The following ADGRF5 variants were observed in gnomAD, a reference collection of about 807,000 sequenced individuals.
ADGRF5 encodes the protein G-protein coupled receptor 116.
Under a neutral mutation model 132.3 loss-of-function variants are expected in ADGRF5, and 75 were observed. That is an observed-to-expected ratio of 0.57 (90% CI 0.47 to 0.69). The LOEUF (loss-of-function observed/expected upper bound fraction) is 0.69, where lower values mean the gene tolerates loss of function less well. ADGRF5 is among the 30% of genes least tolerant of loss of function. ADGRF5 has a pLI of 0.00. For synonymous variants in ADGRF5, 629 were observed against 597.6 expected (o/e 1.05, Z -0.77); for missense variants, 1,516 against 1,630.6 (o/e 0.93, Z 1.21).
In ADGRF5 at chr6:46,867,096, T is replaced by C; in HGVS notation, c.1663A>G (p.Ile555Val). The change falls in exon 13 of 21, where the codon ATT becomes GTT. Residue 555 changes from isoleucine (I) to valine (V), a missense_variant. By Grantham distance (29) the Ile-to-Val change is conservative. Coordinates refer to ENST00000283296, the MANE Select transcript of ADGRF5 (RefSeq NM_001098518.2). Reference sequence around the variant, plus strand: ...TGAACAATGACGTCTTTGGTTGCAATACTGTATGAATTCTTATATCTAAAT... The same window carrying C: ...TGAACAATGACGTCTTTGGTTGCAACACTGTATGAATTCTTATATCTAAAT... ...CIFRYKNSYSIATKDVIVHPL... is the reference protein window; with the variant it reads ...CIFRYKNSYSVATKDVIVHPL... The C allele has an allele frequency of 1.2e-6, 2 of 1,613,032 alleles. No individual in the cohort carries two copies. Among genetic ancestry groups the C allele is most frequent in the Non-Finnish European group, 8.5e-7 (1 of 1,179,006 alleles).
At chr6:46,940,411 C>T (rs954070725) in intron 1 of ADGRF5, among the ~76,000 whole-genome samples, 1 of 152,210 alleles carries the variant, frequency 6.6e-6, no homozygotes, top group African/African-American at 2.4e-5. Flanking sequence ...CCCTATCCAT[C>T]CTTCCAATTC....
chr6:46,858,486 TG>T lies in ADGRF5; in HGVS notation c.3416del (p.Pro1139HisfsTer42). The T allele has an allele frequency of 6.2e-7, 1 of 1,613,578 alleles. No homozygotes were observed. The highest frequency in any genetic ancestry group is 8.5e-7 in the Non-Finnish European group (1 of 1,179,756). On this transcript the variant is annotated frameshift_variant, in exon 17 of 21. Coordinates refer to ENST00000283296, the MANE Select transcript of ADGRF5 (RefSeq NM_001098518.2). LOFTEE classifies it high-confidence loss of function. ...AIAFCLGYGC[P>X]LAISVITLGA... Reference sequence around the variant, plus strand: ...CCAGCGTGATGACCGAGATGGCAAGTGGGCAGCCATAGCCAAGACAGAAGGC... The same window carrying T: ...CCAGCGTGATGACCGAGATGGCAAGTGGCAGCCATAGCCAAGACAGAAGGC...
At chr6:46,896,248 G>A (rs148820280) in intron 3 of ADGRF5, among the ~76,000 whole-genome samples, 5 of 152,206 alleles carry the variant, frequency 3.3e-5, no homozygotes, top group East Asian at 1.9e-4. Flanking sequence ...TGATGGAATC[G>A]TGACATGACT....
At position 46,877,306 on chromosome 6, in the gene ADGRF5, T is replaced by TTCCTTCC. The variant is rs1562175084; in HGVS notation, c.1240+895_1240+896insGGAAGGA. ...TTCTTTCTTTCTCTCTCTCTCTCTC[T>TTCCTTCC]TTCCTTCCTTCCTTCCTTCTTTCTT... On this transcript the variant is annotated intron_variant, in intron 10 of 20. Coordinates refer to ENST00000283296, the MANE Select transcript of ADGRF5 (RefSeq NM_001098518.2). Among the ~76,000 whole-genome samples the TTCCTTCC allele has an allele frequency of 4.4e-4, 34 of 77,192 alleles. 1 individual carries two copies. The highest frequency in any genetic ancestry group is 6.3e-3 in the Middle Eastern group (1 of 160). The allele number at this position is 77,192 out of a possible 152,430, so 50.6% of individuals were successfully genotyped here. A position where few individuals can be genotyped will look rare whatever the true frequency, so the allele number is the denominator to read the frequency against.
intron 10 of ADGRF5, among the ~76,000 whole-genome samples, chr6:46,877,593 T>G (rs1233723892): frequency 1.3e-5 from 2 of 152,030 alleles, no homozygotes; most frequent in African/African-American, 4.8e-5. Context: ...TTATTATTAT[T>G]CATCAATATA....
At position 46,884,111 on chromosome 6, in the gene ADGRF5, A is replaced by G; in HGVS notation, c.489T>C (p.Phe163=). ...GTTACTTACCTTCCTGAAGCAGGCA[A>G]AAAGGTCCATTGGGAGGCAGTTCTT... ...CLKELPPNGP[F]CLLQEDVTLN... Residue 163 remains phenylalanine (F), a synonymous_variant, in exon 5 of 21, where the codon TTT becomes TTC. Transcript: ENST00000283296. The G allele has an allele frequency of 1.9e-6, 3 of 1,613,938 alleles. No individual in the cohort carries two copies. The highest frequency in any genetic ancestry group is 2.5e-6 in the Non-Finnish European group (3 of 1,179,836).
chr6:46,884,439 A>G (rs1188781526), intron 4 of ADGRF5, among the ~76,000 whole-genome samples, 168 bp from the exon 5 acceptor site: 1 of 152,248 alleles, frequency 6.6e-6, no homozygotes, highest in Admixed American at 6.5e-5. Context: ...GCATGTATGC[A>G]TCACCATGCT....
intron 7 of ADGRF5, among the ~76,000 whole-genome samples, 163 bp from the exon 8 acceptor site, chr6:46,881,760 A>T (rs181114892): frequency 3.3e-4 from 50 of 152,366 alleles, no homozygotes; most frequent in Admixed American, 2.1e-3. Context: ...GAAAGACATC[A>T]TTGCATGGCA....
upstream of ADGRF5, among the ~76,000 whole-genome samples, chr6:46,923,653 T>G (rs962185846): frequency 1.6e-4 from 24 of 152,206 alleles, no homozygotes; most frequent in Non-Finnish European, 2.6e-4. Context: ...CTGTCTAACA[T>G]GGAATGGGCG....
intron 17 of ADGRF5, 28 bp downstream of exon 17, chr6:46,858,101 C>T (rs777409480): frequency 6.6e-7 from 1 of 1,520,486 alleles, no homozygotes; most frequent in Non-Finnish European, 9.0e-7. Flanking sequence ...ATAAAATCTT[C>T]CTGAAAGCTC....
intron 1 of ADGRF5, among the ~76,000 whole-genome samples, chr6:46,934,275 A>T (rs1015992114): frequency 6.6e-6 from 1 of 152,186 alleles, no homozygotes; most frequent in African/African-American, 2.4e-5. Flanking sequence ...AAAATTAGAG[A>T]GCAGCCAGCA....
In ADGRF5 at chr6:46,884,107, G is replaced by A. The variant is rs940655287; in HGVS notation, c.493C>T (p.Leu165=). Residue 165 remains leucine, a synonymous_variant, in exon 5 of 21, where the codon CTG becomes TTG. Transcript: ENST00000283296. ...KELPPNGPFC[L]LQEDVTLNMR... is the part of the protein sequence containing the mutation. ...AGCAGTTACTTACCTTCCTGAAGCAGGCAAAAAGGTCCATTGGGAGGCAGT... is the reference window on the plus strand; with the variant it reads ...AGCAGTTACTTACCTTCCTGAAGCAAGCAAAAAGGTCCATTGGGAGGCAGT... 6.2e-7 allele frequency: 1 copy of A among 1,613,644 alleles called. No homozygotes were observed. Among genetic ancestry groups the A allele is most frequent in the African/African-American group, 1.3e-5 (1 of 74,920 alleles).
chr6:46,866,446 T>C (rs556988646), intron 13 of ADGRF5, among the ~76,000 whole-genome samples: 2 of 152,292 alleles, frequency 1.3e-5, no homozygotes, highest in Admixed American at 6.5e-5. Flanking sequence ...GGTTCTGGGT[T>C]TCTGATATTG....
At chr6:46,861,726 CAGTA>C (rs1038285763) in intron 15 of ADGRF5, among the ~76,000 whole-genome samples, 3 of 152,166 alleles carry the variant, frequency 2.0e-5, no homozygotes, top group African/African-American at 7.2e-5. Context: ...ACTCAGCACA[CAGTA>C]AGTATCCAGT....
intron 1 of ADGRF5, among the ~76,000 whole-genome samples, chr6:46,943,432 T>C (rs181747947): frequency 2.3e-3 from 350 of 152,360 alleles, no homozygotes; most frequent in African/African-American, 7.9e-3. Context: ...AATACTATCT[T>C]AATGCTGGGA....
At chr6:46,911,656 T>C (rs1775962795) in intron 1 of ADGRF5, among the ~76,000 whole-genome samples, 1 of 152,192 alleles carries the variant, frequency 6.6e-6, no homozygotes, top group Admixed American at 6.5e-5. Context: ...TCTAGGCCTT[T>C]AGCCTTCCTG....
intron 6 of ADGRF5, among the ~76,000 whole-genome samples, chr6:46,883,179 C>T (rs147600579): frequency 6.6e-6 from 1 of 152,292 alleles, no homozygotes; most frequent in East Asian, 1.9e-4. Flanking sequence ...CCTCTGTGCT[C>T]AGCCACGGGT....
At chr6:46,936,411 C>T (rs1352138612) in intron 1 of ADGRF5, among the ~76,000 whole-genome samples, 2 of 152,172 alleles carry the variant, frequency 1.3e-5, no homozygotes, top group East Asian at 1.9e-4. Context: ...AACCTGCCTT[C>T]CTCGAAATAT....
intron 1 of ADGRF5, among the ~76,000 whole-genome samples, chr6:46,946,803 G>A (rs1778319643): frequency 2.6e-5 from 4 of 152,192 alleles, no homozygotes; most frequent in Admixed American, 2.6e-4. Context: ...TTTCCTGAGA[G>A]CAGGCTGTGT....
Sources: gnomAD v4.1 joint callset for allele counts (sites outside exome capture counted in the v4.1 genomes callset) on GRCh38, gnomAD v4.1.1 for gene constraint, MANE v1.5 for transcripts, NCBI Gene and HGNC (gene_info 2026-07-23, HGNC 2026-07-21) for gene names.